The following PARP8 variants were observed in gnomAD, a reference collection of about 807,000 sequenced individuals.
PARP8 encodes the protein poly(ADP-ribose) polymerase family member 8, also known as protein mono-ADP-ribosyltransferase PARP8.
Under a neutral mutation model 124.1 loss-of-function variants are expected in PARP8, and 51 were observed. The ratio of observed to expected loss-of-function variants is 0.41; its 90% CI spans 0.33 to 0.52. The LOEUF is 0.52. Among genes scored for constraint, PARP8 ranks in the 20% least tolerant of loss-of-function variants. The probability of loss-of-function intolerance (pLI) is 0.21; values close to 1 mark genes in which losing one functional copy is unlikely to be tolerated. For missense variants in PARP8, 860 were observed against 1,018.9 expected, an observed-to-expected ratio of 0.84 and a Z score of 2.12; for synonymous variants, 391 against 361.5, an observed-to-expected ratio of 1.08 and a Z score of -0.93.
At chr5:50,759,147 G>A (rs1285582092) in intron 3 of PARP8, among the ~76,000 whole-genome samples, 2 of 152,062 alleles carry the variant, frequency 1.3e-5, no homozygotes, top group African/African-American at 4.8e-5. Flanking sequence ...TCAAACTCCT[G>A]ACCTCGAGTG....
At chr5:50,680,012 T>C (rs1464335901) in intron 2 of PARP8, among the ~76,000 whole-genome samples, 11 of 152,328 alleles carry the variant, frequency 7.2e-5, no homozygotes, top group African/African-American at 2.6e-4. Context: ...AAAAGGTGGC[T>C]GGAACAACTT....
chr5:50,684,160 G>T (rs887733453), intron 2 of PARP8, among the ~76,000 whole-genome samples: 13 of 152,146 alleles, frequency 8.5e-5, no homozygotes, highest in East Asian at 1.9e-4. Context: ...CTGAGCAAGT[G>T]AAAGTAGATA....
At chr5:50,818,480 T>G (rs1208734016) in intron 15 of PARP8, among the ~76,000 whole-genome samples, 1 of 152,192 alleles carries the variant, frequency 6.6e-6, no homozygotes, top group Non-Finnish European at 1.5e-5. Flanking sequence ...TCCTCCCGCC[T>G]CAGCCTCCTG....
intron 2 of PARP8, among the ~76,000 whole-genome samples, chr5:50,724,037 G>A (rs991403037): frequency 1.4e-4 from 21 of 152,046 alleles, no homozygotes; most frequent in Non-Finnish European, 2.2e-4. Context: ...CCCCAGGCTT[G>A]CCTCAAACTC....
intron 2 of PARP8, among the ~76,000 whole-genome samples, chr5:50,735,853 A>G (rs1280196706): frequency 6.6e-6 from 1 of 151,808 alleles, no homozygotes; most frequent in Non-Finnish European, 1.5e-5. Flanking sequence ...TATCTAGGTC[A>G]GGTAGGGCAG....
At chr5:50,787,050 T>A (rs1438957831) in intron 9 of PARP8, among the ~76,000 whole-genome samples, 1 of 152,186 alleles carries the variant, frequency 6.6e-6, no homozygotes, top group Non-Finnish European at 1.5e-5. Context: ...TTGTAGGAAT[T>A]GGTAAATTTC....
intron 2 of PARP8, among the ~76,000 whole-genome samples, chr5:50,674,299 C>T (rs921196411): frequency 3.9e-5 from 6 of 152,160 alleles, no homozygotes; most frequent in Non-Finnish European, 7.4e-5. Context: ...CTTTTGAGCC[C>T]GGTATGGGGA....
rs1174755667 is a variant in PARP8, at chr5:50,795,163, G to T, written c.1174G>T (p.Asp392Tyr). 2 of 1,614,202 alleles carry T rather than the reference G, an allele frequency of 1.2e-6. No individual in the cohort carries two copies. The highest frequency in any genetic ancestry group is 1.7e-6 in the Non-Finnish European group (2 of 1,180,036). The change falls in exon 12 of 26, where the codon GAT becomes TAT. Residue 392 changes from aspartate to tyrosine, a missense_variant. Physicochemically the swap from Asp to Tyr is radical, Grantham distance 160 (BLOSUM62 -3). Around this residue, in one of 2 missense-constraint regions of PARP8, gnomAD observed 517 missense variants for 544.2 expected, o/e 0.95. Transcript: ENST00000281631. The part of the protein sequence containing the change: ...HRLLTRSCSG[D>Y]PRCEHNTNLK... ...ACTATTGACTCGATCTTGTTCTGGA[G>T]ATCCACGATGTGAGCACAACACAAA...
chr5:50,767,096 T>C (rs1342290720), intron 7 of PARP8, among the ~76,000 whole-genome samples: 2 of 152,100 alleles, frequency 1.3e-5, no homozygotes, highest in Non-Finnish European at 2.9e-5. Context: ...GTGTGTTAGT[T>C]CCCATGTCCC....
intron 10 of PARP8, 115 bp downstream of exon 10, chr5:50,788,704 C>A: frequency 1.2e-6 from 1 of 813,484 alleles, no homozygotes; most frequent in Non-Finnish European, 2.0e-6. Flanking sequence ...TGAAGCAAGT[C>A]CCTCAAGAGA....
intron 2 of PARP8, among the ~76,000 whole-genome samples, chr5:50,747,158 G>GTTTTTTTTTTTTTTTT (rs1370932889): frequency 1.1e-4 from 9 of 82,190 alleles, no homozygotes; most frequent in South Asian, 4.4e-4. Context: ...TTGTTTGTTT[G>GTTTTTTTTTTTTTTTT]TTTTGTTTTT....
chr5:50,823,495 C>T (rs1341027398), intron 17 of PARP8, among the ~76,000 whole-genome samples: 2 of 152,044 alleles, frequency 1.3e-5, no homozygotes, highest in Non-Finnish European at 2.9e-5. Flanking sequence ...TATGCCAGTA[C>T]CTTTCTGTAT....
chr5:50,709,258 A>G (rs1754474167), intron 2 of PARP8, among the ~76,000 whole-genome samples: 1 of 151,550 alleles, frequency 6.6e-6, no homozygotes, highest in African/African-American at 2.4e-5. Context: ...CTTCATTTTT[A>G]TGTTCCAACC....
intron 2 of PARP8, among the ~76,000 whole-genome samples, chr5:50,717,610 G>T (rs1755454953): frequency 6.6e-6 from 1 of 151,846 alleles, no homozygotes; most frequent in Non-Finnish European, 1.5e-5. Context: ...AAGGTTCCAG[G>T]ACTGAACCCT....
At chr5:50,739,737 T>A (rs1167466365) in intron 2 of PARP8, among the ~76,000 whole-genome samples, 24 of 129,920 alleles carry the variant, frequency 1.8e-4, no homozygotes, top group African/African-American at 5.9e-4. Context: ...TATATATTTT[T>A]TTTTTTTTTT....
intron 14 of PARP8, among the ~76,000 whole-genome samples, chr5:50,804,268 G>C (rs1391476807): frequency 2.6e-5 from 4 of 152,110 alleles, no homozygotes; most frequent in African/African-American, 9.7e-5. Flanking sequence ...TCCAAGTCAG[G>C]CAGAAATAAA....
rs535997207 is a variant in PARP8 at position 50,676,351 on chromosome 5, C to T, written c.146+8226C>T. Among the ~76,000 whole-genome samples, 172 of 152,338 alleles carry T rather than the reference C, an allele frequency of 1.1e-3. 1 individual carries two copies. The highest frequency in any genetic ancestry group is 4.0e-3 in the African/African-American group (167 of 41,578). ...GACAAAGAAAGCTTTGGTTAACTGG[C>T]ATTTGGCATTTCATGCCCCTAACTT... On this transcript the variant is annotated intron_variant, in intron 2 of 25. Coordinates refer to ENST00000281631, the MANE Select transcript of PARP8 (RefSeq NM_024615.4).
At position 50,844,104 on chromosome 5, in the gene PARP8, A is replaced by G. The variant is rs1748432640; in HGVS notation, c.*2036A>G. ...GGAACGGTAACTCGTAAGACTCAAG[A>G]AAGACCGTTTAAGGAAAATTGGCAT... is the stretch of plus-strand genomic sequence containing the variant. On this transcript the variant is annotated 3_prime_UTR_variant, in exon 26 of 26. Transcript: ENST00000281631. The G allele has an allele frequency of 6.6e-6, 1 of 151,864 alleles. No individual in the cohort carries two copies. The highest frequency in any genetic ancestry group is 2.4e-5 in the African/African-American group (1 of 41,420). 9.4% of individuals were successfully genotyped at this position (151,864 alleles called of 1,614,324 possible).
intron 14 of PARP8, among the ~76,000 whole-genome samples, chr5:50,807,082 T>G (rs1414684116): frequency 1.3e-5 from 2 of 150,726 alleles, no homozygotes; most frequent in African/African-American, 4.9e-5. Flanking sequence ...TGTCCCATGT[T>G]TTTTTTTTTC....
Sources: allele counts gnomAD v4.1 joint callset (sites outside exome capture counted in the v4.1 genomes callset), GRCh38; gene constraint gnomAD v4.1.1; regional missense constraint gnomAD v4.1.1; transcripts MANE v1.5; gene names NCBI Gene and HGNC (gene_info 2026-07-23, HGNC 2026-07-21).